Variants in ARHGEF38 observed in about 807,000 individuals in gnomAD.
ARHGEF38 encodes Rho guanine nucleotide exchange factor (GEF) 38.
Under a neutral mutation model 79.9 loss-of-function variants are expected in ARHGEF38, and 79 were observed. The ratio of observed to expected loss-of-function variants is 0.99; its 90% CI spans 0.82 to 1.19. The LOEUF (loss-of-function observed/expected upper bound fraction) is 1.19. Ranked by LOEUF, ARHGEF38 falls within the 50% of genes most tolerant of loss-of-function variation. The pLI, the probability that ARHGEF38 is intolerant of heterozygous loss-of-function variation, is 0.00. For synonymous variants in ARHGEF38, 366 were observed against 328.3 expected, an observed-to-expected ratio of 1.11 and a Z score of -1.24; for missense variants, 962 against 907.2, an observed-to-expected ratio of 1.06 and a Z score of -0.78.
Position 105,677,953 on chromosome 4 carries a change from A to C in ARHGEF38, c.*16A>C, listed in dbSNP as rs758254330. ...TTATGCTTAAGAAAATAAGCCTTCA[A>C]CTTTTATTTTCCAGCAAGTTGTTGA... On this transcript the variant is annotated 3_prime_UTR_variant, in exon 14 of 14. Transcript: ENST00000420470. 2.2e-5 allele frequency: 33 copies of C among 1,478,322 alleles called. No homozygotes were observed. The East Asian group carries it at 4.7e-4, about 21-fold the overall frequency. 91.6% of individuals were successfully genotyped at this position (1,478,322 alleles called of 1,614,324 possible).
intron 1 of ARHGEF38, among the ~76,000 whole-genome samples, chr4:105,553,389 A>AT (rs1725094822): frequency 6.6e-6 from 1 of 152,192 alleles, no homozygotes; most frequent in South Asian, 2.1e-4. Flanking sequence ...GTACTGAACT[A>AT]TGATTGTGGT....
intron 1 of ARHGEF38, among the ~76,000 whole-genome samples, chr4:105,578,991 A>C (rs1726645830): frequency 6.6e-6 from 1 of 151,832 alleles, no homozygotes; most frequent in South Asian, 2.1e-4. Context: ...CTGTTTTATA[A>C]GCCCTGTGGA....
chr4:105,634,176 G>T (rs1560735913), intron 4 of ARHGEF38, among the ~76,000 whole-genome samples: 1 of 152,128 alleles, frequency 6.6e-6, no homozygotes, highest in Non-Finnish European at 1.5e-5. Flanking sequence ...CACCTCAGGT[G>T]ATTTTCCATA....
At chr4:105,565,085 G>A (rs1208959037) in intron 1 of ARHGEF38, among the ~76,000 whole-genome samples, 3 of 152,198 alleles carry the variant, frequency 2.0e-5, no homozygotes, top group Non-Finnish European at 4.4e-5. Flanking sequence ...TATTTTTCAA[G>A]ACAGGTAAGC....
At chr4:105,657,436 C>G (rs1730379665) in intron 9 of ARHGEF38, among the ~76,000 whole-genome samples, 1 of 152,076 alleles carries the variant, frequency 6.6e-6, no homozygotes, top group Admixed American at 6.6e-5. Context: ...ATATTAAGAA[C>G]TCAAAATCTG....
At chr4:105,618,825 C>T (rs1402762063) in intron 3 of ARHGEF38, among the ~76,000 whole-genome samples, 2 of 152,228 alleles carry the variant, frequency 1.3e-5, no homozygotes, top group South Asian at 4.1e-4. Flanking sequence ...CATTGAGAAA[C>T]CTAGCAGAGG....
chr4:105,605,887 T>G (rs1728016162), intron 2 of ARHGEF38, among the ~76,000 whole-genome samples: 1 of 152,140 alleles, frequency 6.6e-6, no homozygotes, highest in African/African-American at 2.4e-5. Context: ...AAAACCTACT[T>G]TATCCTCTCA....
chr4:105,649,599 A>T (rs1730014114), intron 7 of ARHGEF38, among the ~76,000 whole-genome samples: 1 of 151,984 alleles, frequency 6.6e-6, no homozygotes, highest in African/African-American at 2.4e-5. Context: ...TTTCCTTCTC[A>T]TTTGCCTGTT....
At chr4:105,593,608 T>C (rs1353785404) in intron 2 of ARHGEF38, among the ~76,000 whole-genome samples, 1 of 152,176 alleles carries the variant, frequency 6.6e-6, no homozygotes, top group East Asian at 1.9e-4. Context: ...GAATTCTTAG[T>C]CCACATTTGT....
At chr4:105,616,753 A>G (rs1322772769) in intron 3 of ARHGEF38, among the ~76,000 whole-genome samples, 1 of 152,152 alleles carries the variant, frequency 6.6e-6, no homozygotes, top group Non-Finnish European at 1.5e-5. Flanking sequence ...CAATGCTATC[A>G]TTGACCATAG....
At chr4:105,621,025 T>C (rs1209232387) in intron 3 of ARHGEF38, among the ~76,000 whole-genome samples, 1 of 152,196 alleles carries the variant, frequency 6.6e-6, no homozygotes, top group Non-Finnish European at 1.5e-5. Flanking sequence ...GATGAGACTA[T>C]GTAGAGTGAG....
chr4:105,561,022 C>A (rs1189824489), intron 1 of ARHGEF38, among the ~76,000 whole-genome samples: 1 of 152,142 alleles, frequency 6.6e-6, no homozygotes, highest in African/African-American at 2.4e-5. Context: ...TATTTAGCTG[C>A]TAGGAGCTTA....
chr4:105,635,170 C>A (rs1729348617), intron 4 of ARHGEF38, among the ~76,000 whole-genome samples: 5 of 151,880 alleles, frequency 3.3e-5, no homozygotes, highest in Admixed American at 2.6e-4. Context: ...TTACTTTATC[C>A]CATAAAAGGG....
At chr4:105,631,988 C>G (rs1045198223) in intron 4 of ARHGEF38, among the ~76,000 whole-genome samples, 9 of 152,022 alleles carry the variant, frequency 5.9e-5, no homozygotes, top group East Asian at 3.9e-4. Context: ...TGTAGCACAC[C>G]TCCCCCGTTT....
chr4:105,613,184 T>A (rs1050533112), intron 2 of ARHGEF38, among the ~76,000 whole-genome samples, 200 bp from the exon 3 acceptor site: 3 of 152,084 alleles, frequency 2.0e-5, no homozygotes, highest in African/African-American at 4.8e-5. Flanking sequence ...AAAATTTTTT[T>A]AAAAAGACAG....
At chr4:105,573,238 C>T (rs1726323326) in intron 1 of ARHGEF38, among the ~76,000 whole-genome samples, 1 of 152,040 alleles carries the variant, frequency 6.6e-6, no homozygotes, top group South Asian at 2.1e-4. Context: ...TTAAAATTTT[C>T]ATAAGTCCAA....
chr4:105,571,436 C>A (rs939558946), intron 1 of ARHGEF38, among the ~76,000 whole-genome samples: 3 of 151,500 alleles, frequency 2.0e-5, no homozygotes, highest in African/African-American at 4.9e-5. Flanking sequence ...CATTCTCCTG[C>A]CTCAGCCTCC....
intron 1 of ARHGEF38, among the ~76,000 whole-genome samples, chr4:105,557,558 T>G (rs1200879786): frequency 6.8e-6 from 1 of 148,014 alleles, no homozygotes; most frequent in Non-Finnish European, 1.5e-5. Flanking sequence ...GGTAATTAGG[T>G]ATTGAGGGTG....
At chr4:105,583,733 C>A (rs1300620955) in intron 1 of ARHGEF38, among the ~76,000 whole-genome samples, 2 of 152,016 alleles carry the variant, frequency 1.3e-5, no homozygotes, top group African/African-American at 4.8e-5. Context: ...ATTGCTGTAT[C>A]CCCAGAGCCT....
Sources: allele counts gnomAD v4.1 joint callset (sites outside exome capture counted in the v4.1 genomes callset), GRCh38; gene constraint gnomAD v4.1.1; transcripts MANE v1.5; gene names NCBI Gene and HGNC (gene_info 2026-07-23, HGNC 2026-07-21).